The following FARP1 variants were observed in gnomAD, a reference collection of about 807,000 sequenced individuals.
FARP1 encodes the protein FERM, ARH/RhoGEF and pleckstrin domain protein 1.
A neutral mutation model predicts 128.8 loss-of-function variants in FARP1; 52 were observed. The observed-to-expected ratio is 0.40, with a 90% CI of 0.32 to 0.51. The LOEUF (loss-of-function observed/expected upper bound fraction) is 0.51. Among genes scored for constraint, FARP1 ranks in the 20% least tolerant of loss-of-function variants. The pLI is 0.45. For missense variants in FARP1, 1,333 were observed against 1,367.9 expected (o/e 0.97, Z 0.40); for synonymous variants, 580 against 551.8 (o/e 1.05, Z -0.72).
chr13:98,191,473 G>A (rs1442436838), intron 1 of FARP1, among the ~76,000 whole-genome samples: 1 of 152,142 alleles, frequency 6.6e-6, no homozygotes, highest in Non-Finnish European at 1.5e-5. Flanking sequence ...GGGGTATGAA[G>A]TATTCATCAA....
intron 2 of FARP1, among the ~76,000 whole-genome samples, chr13:98,243,966 A>G (rs1334858298): frequency 6.6e-6 from 1 of 152,152 alleles, no homozygotes; most frequent in Non-Finnish European, 1.5e-5. Context: ...AATAATTACA[A>G]AGGAAGCAAG....
intron 1 of FARP1, among the ~76,000 whole-genome samples, chr13:98,170,760 G>A (rs896476399): frequency 6.6e-5 from 10 of 152,136 alleles, no homozygotes; most frequent in African/African-American, 2.4e-4. Flanking sequence ...CCAAAGTGCT[G>A]GAATTACAGG....
chr13:98,350,289 G>A (rs1414507890), intron 3 of FARP1, among the ~76,000 whole-genome samples: 1 of 152,068 alleles, frequency 6.6e-6, no homozygotes, highest in African/African-American at 2.4e-5. Flanking sequence ...CTGATTTTGG[G>A]GCTTTTAGTG....
At chr13:98,199,777 A>G (rs894698417) in intron 1 of FARP1, among the ~76,000 whole-genome samples, 9 of 152,172 alleles carry the variant, frequency 5.9e-5, no homozygotes, top group African/African-American at 2.2e-4. Context: ...GGGAATTCAG[A>G]GGGGCTGGAA....
chr13:98,416,595 A>G (rs9513418), intron 16 of FARP1, among the ~76,000 whole-genome samples: 26,696 of 152,174 alleles, frequency 0.18, 2,525 homozygotes, highest in Middle Eastern at 0.26. Flanking sequence ...GAGTTCTAAT[A>G]ACTTCAGGAG....
At chr13:98,190,840 C>T (rs1411309364) in intron 1 of FARP1, among the ~76,000 whole-genome samples, 2 of 151,842 alleles carry the variant, frequency 1.3e-5, no homozygotes, top group East Asian at 3.9e-4. Flanking sequence ...AGCCAACATG[C>T]CCAGCCTCAT....
chr13:98,227,651 G>A (rs888632328), intron 2 of FARP1, among the ~76,000 whole-genome samples: 10 of 152,144 alleles, frequency 6.6e-5, no homozygotes, highest in African/African-American at 1.2e-4. Context: ...GCAGGATCTC[G>A]TCGAGATAAT....
Position 98,310,420 on chromosome 13 carries a change from T to C in FARP1, c.172-33342T>C, listed in dbSNP as rs561809221. On this transcript the variant is annotated intron_variant, in intron 2 of 26. Coordinates refer to ENST00000319562, the MANE Select transcript of FARP1 (RefSeq NM_005766.4). ...ATCCTCATCATCCACACAGCTGTGC[T>C]TATGCCCAGGTGCATCTGCCTTCAT... is the stretch of plus-strand genomic sequence containing the variant. Among the ~76,000 whole-genome samples the C allele has an allele frequency of 2.0e-5, 3 of 152,360 alleles. No homozygotes were observed. The East Asian group carries it at 5.8e-4, about 29-fold the overall frequency.
intron 17 of FARP1, among the ~76,000 whole-genome samples, chr13:98,428,687 G>A (rs540835249): frequency 6.6e-6 from 1 of 152,292 alleles, no homozygotes. Context: ...CTGCCTTCCG[G>A]CCACCGTCAA....
At chr13:98,394,210 C>T (rs1447880017) in intron 12 of FARP1, among the ~76,000 whole-genome samples, 2 of 152,180 alleles carry the variant, frequency 1.3e-5, no homozygotes, top group Non-Finnish European at 2.9e-5. Context: ...ATCACTCTTG[C>T]TCTGAGGGTG....
chr13:98,226,020 A>T (rs531951337), intron 2 of FARP1, among the ~76,000 whole-genome samples: 1 of 151,138 alleles, frequency 6.6e-6, no homozygotes, highest in East Asian at 1.9e-4. Flanking sequence ...TTCCAGGCTA[A>T]TCCATTCCTT....
intron 2 of FARP1, among the ~76,000 whole-genome samples, chr13:98,243,830 G>C (rs1882916551): frequency 6.6e-6 from 1 of 151,474 alleles, no homozygotes; most frequent in African/African-American, 2.4e-5. Context: ...TGGACCTAAA[G>C]TTCAATTCAC....
chr13:98,340,696 C>T (rs1477696000), intron 2 of FARP1: 1 of 152,028 alleles, frequency 6.6e-6, no homozygotes, highest in Non-Finnish European at 1.5e-5. Context: ...AGAGGTGGAC[C>T]CCGAATAAGT....
intron 1 of FARP1, among the ~76,000 whole-genome samples, chr13:98,188,158 A>G (rs1446138076): frequency 2.0e-5 from 3 of 152,150 alleles, no homozygotes; most frequent in Non-Finnish European, 4.4e-5. Flanking sequence ...GTGGGGCCGA[A>G]CACCCCTCGC....
chr13:98,447,259 G>C (rs1025904813), intron 26 of FARP1: 3 of 156,390 alleles, frequency 1.9e-5, no homozygotes, highest in African/African-American at 7.2e-5. Context: ...CCGACTACTT[G>C]TGCAGTTTGC....
intron 17 of FARP1, among the ~76,000 whole-genome samples, chr13:98,430,278 T>C (rs1191433873): frequency 6.6e-6 from 1 of 152,026 alleles, no homozygotes; most frequent in Non-Finnish European, 1.5e-5. Context: ...GATTTGGGAG[T>C]TACCAGCACA....
chr13:98,295,116 G>A (rs972990740), intron 2 of FARP1, among the ~76,000 whole-genome samples: 1 of 134,424 alleles, frequency 7.4e-6, no homozygotes, highest in Non-Finnish European at 1.6e-5. Context: ...TATATCCCCA[G>A]GCATTATTTA....
chr13:98,240,905 A>G (rs1324442393), intron 2 of FARP1, among the ~76,000 whole-genome samples: 1 of 152,162 alleles, frequency 6.6e-6, no homozygotes, highest in Non-Finnish European at 1.5e-5. Flanking sequence ...TCCGGCATTG[A>G]GCTTTGCCCT....
chr13:98,277,331 A>T (rs112337131), intron 2 of FARP1, among the ~76,000 whole-genome samples: 1 of 152,010 alleles, frequency 6.6e-6, no homozygotes, highest in African/African-American at 2.4e-5. Context: ...TTTTATTTTT[A>T]TTTATTTATA....
Sources: allele counts gnomAD v4.1 joint callset (sites outside exome capture counted in the v4.1 genomes callset), GRCh38; gene constraint gnomAD v4.1.1; transcripts MANE v1.5; gene names NCBI Gene and HGNC (gene_info 2026-07-23, HGNC 2026-07-21).